KSR1: variants seen among roughly 807,000 people sequenced by gnomAD.
The protein encoded by KSR1 is kinase suppressor of ras.
A neutral mutation model predicts 92.9 loss-of-function variants in KSR1; 35 were observed. That is an observed-to-expected ratio of 0.38 (90% CI 0.29 to 0.50). The LOEUF (loss-of-function observed/expected upper bound fraction) is 0.50, where lower values mean the gene tolerates loss of function less well. Among genes scored for constraint, KSR1 ranks in the 20% least tolerant of loss-of-function variants. The probability of loss-of-function intolerance (pLI) is 0.94; values close to 1 mark genes in which losing one functional copy is unlikely to be tolerated. For missense variants in KSR1, 972 were observed against 1,158.5 expected (o/e 0.84, Z 2.34); for synonymous variants, 467 against 472.6 (o/e 0.99, Z 0.15).
intron 1 of KSR1, among the ~76,000 whole-genome samples, chr17:27,482,490 G>T (rs2068540632): frequency 6.6e-6 from 1 of 152,188 alleles, no homozygotes; most frequent in Non-Finnish European, 1.5e-5. Flanking sequence ...GGAGATTTGT[G>T]TTAAGGACCA....
intron 1 of KSR1, among the ~76,000 whole-genome samples, chr17:27,473,028 C>G (rs1465459128): frequency 6.6e-6 from 1 of 152,202 alleles, no homozygotes; most frequent in African/African-American, 2.4e-5. Flanking sequence ...TTCAGCCTCC[C>G]AGATAGCTGG....
chr17:27,497,943 C>G (rs2069046341), intron 1 of KSR1, among the ~76,000 whole-genome samples: 1 of 152,116 alleles, frequency 6.6e-6, no homozygotes, highest in African/African-American at 2.4e-5. Context: ...GATGGGCAGG[C>G]AGGTTTGTAC....
intron 2 of KSR1, among the ~76,000 whole-genome samples, chr17:27,555,343 T>C (rs761848557): frequency 2.6e-5 from 4 of 152,210 alleles, no homozygotes; most frequent in Admixed American, 6.5e-5. Flanking sequence ...ATTCATTCAG[T>C]CATTTATATC....
chr17:27,484,759 A>C (rs1354637492), intron 1 of KSR1, among the ~76,000 whole-genome samples: 2 of 152,228 alleles, frequency 1.3e-5, no homozygotes, highest in Non-Finnish European at 2.9e-5. Context: ...TCTGCCTCTC[A>C]GAGGAGCCGA....
chr17:27,568,644 C>T (rs1248381089), intron 2 of KSR1, among the ~76,000 whole-genome samples: 1 of 152,204 alleles, frequency 6.6e-6, no homozygotes, highest in East Asian at 1.9e-4. Flanking sequence ...TGCCTTGACC[C>T]CCAGGAGAGC....
intron 1 of KSR1, among the ~76,000 whole-genome samples, chr17:27,548,402 T>C (rs530467694): frequency 1.2e-4 from 19 of 152,334 alleles, no homozygotes; most frequent in African/African-American, 4.6e-4. Context: ...AATTAAAAAT[T>C]ATTAATTCAT....
intron 1 of KSR1, among the ~76,000 whole-genome samples, chr17:27,521,905 C>T (rs2070051235): frequency 6.6e-6 from 1 of 152,228 alleles, no homozygotes; most frequent in Non-Finnish European, 1.5e-5. Flanking sequence ...ACCCATGCTG[C>T]TAGGGAGACC....
Position 27,526,925 on chromosome 17 carries a change from G to T in KSR1, c.232-23643G>T, listed in dbSNP as rs150445792. 435 of 614,998 alleles carry T rather than the reference G, an allele frequency of 7.1e-4. 4 individuals carry two copies. In the East Asian group the frequency reaches 0.012, roughly 17 times the overall value. The allele number at this position is 614,998 out of a possible 1,614,324, so 38.1% of individuals were successfully genotyped here. A position where few individuals can be genotyped will look rare whatever the true frequency, so the allele number is the denominator to read the frequency against. On this transcript the variant is annotated intron_variant, in intron 1 of 20. Coordinates refer to ENST00000644974, the MANE Select transcript of KSR1 (RefSeq NM_001394583.1). ...TCCCTAGGACTTGGTTACTCAGGAGGGGGCTGACGCTCCCTTTCACCTTCT... is the reference window on the plus strand; with the variant it reads ...TCCCTAGGACTTGGTTACTCAGGAGTGGGCTGACGCTCCCTTTCACCTTCT...
intron 1 of KSR1, among the ~76,000 whole-genome samples, chr17:27,463,507 C>T (rs541928638): frequency 1.3e-5 from 2 of 150,926 alleles, no homozygotes; most frequent in South Asian, 4.2e-4. Flanking sequence ...GGTCCTCTGG[C>T]TGAGATTCTG....
At chr17:27,592,798 T>C (rs80326599) in intron 9 of KSR1, among the ~76,000 whole-genome samples, 172 bp downstream of exon 9, 10,810 of 152,244 alleles carry the variant, frequency 0.071, 447 homozygotes, top group Middle Eastern at 0.14. Flanking sequence ...AGGCTTTACA[T>C]TTAAGTTGTG....
intron 11 of KSR1, among the ~76,000 whole-genome samples, chr17:27,602,657 T>C (rs1473756826): frequency 6.6e-6 from 1 of 152,208 alleles, no homozygotes; most frequent in Non-Finnish European, 1.5e-5. Flanking sequence ...TTTAGGTGTG[T>C]GTTTGCCTCC....
In KSR1 at chr17:27,624,407, C is replaced by T. The variant is rs2074296897; in HGVS notation, c.*1015C>T. Reference sequence around the variant, plus strand: ...TTTCAGTCCTGCTGAAACCCCTTAGCCTATTTCCGACTCCTCTGTCCATGC... The same window carrying T: ...TTTCAGTCCTGCTGAAACCCCTTAGTCTATTTCCGACTCCTCTGTCCATGC... On this transcript the variant is annotated 3_prime_UTR_variant, in exon 21 of 21. Coordinates refer to ENST00000644974, the MANE Select transcript of KSR1 (RefSeq NM_001394583.1). 1 of 152,320 alleles carries T rather than the reference C, an allele frequency of 6.6e-6. No individual in the cohort carries two copies. Among genetic ancestry groups the T allele is most frequent in the South Asian group, 2.1e-4 (1 of 4,826 alleles). 9.4% of individuals were successfully genotyped at this position (152,320 alleles called of 1,614,324 possible). A position where few individuals can be genotyped will look rare whatever the true frequency, so the allele number is the denominator to read the frequency against.
At chr17:27,609,134 C>T (rs1196312363) in intron 15 of KSR1, 62 bp from the exon 16 acceptor site, 20 of 1,545,772 alleles carry the variant, frequency 1.3e-5, no homozygotes, top group African/African-American at 2.7e-5. Context: ...GTAAATCATC[C>T]AGCCCAGGGT....
chr17:27,463,469 A>G lies in KSR1; in HGVS notation c.231+6595A>G, dbSNP rs1026418053. On this transcript the variant is annotated intron_variant, in intron 1 of 20. Coordinates refer to ENST00000644974, the MANE Select transcript of KSR1 (RefSeq NM_001394583.1). ...TGCACTCCAGCCTGGATGACAGAGA[A>G]AAAAAAAAAAAAAAAGAGGCTGGAC... is the stretch of plus-strand genomic sequence containing the variant. 7.6e-5 allele frequency among the ~76,000 whole-genome samples: 11 copies of G among 145,118 alleles called. No homozygotes were observed. In the South Asian group the frequency reaches 1.5e-3, roughly 20 times the overall value.
At chr17:27,460,117 C>A (rs1445240183) in intron 1 of KSR1, among the ~76,000 whole-genome samples, 9 of 152,142 alleles carry the variant, frequency 5.9e-5, no homozygotes. Context: ...TCTGTCTCCG[C>A]TAGACCCTCC....
chr17:27,611,449 G>T (rs2073913881), intron 17 of KSR1, 45 bp from the exon 18 acceptor site: 21 of 1,612,940 alleles, frequency 1.3e-5, no homozygotes, highest in Non-Finnish European at 1.8e-5. Flanking sequence ...GCTTGAGCTG[G>T]GCACAGCGGC....
intron 1 of KSR1, among the ~76,000 whole-genome samples, chr17:27,482,926 G>C (rs1056886756): frequency 2.0e-5 from 3 of 151,132 alleles, no homozygotes; most frequent in African/African-American, 7.3e-5. Context: ...GTCTCGTGTT[G>C]GGGGGAAAAT....
chr17:27,582,237 A>G (rs1315432278), intron 3 of KSR1, among the ~76,000 whole-genome samples: 4 of 152,178 alleles, frequency 2.6e-5, no homozygotes, highest in African/African-American at 4.8e-5. Context: ...GCTTAGAACA[A>G]GAAGTGTTTT....
intron 1 of KSR1, among the ~76,000 whole-genome samples, chr17:27,546,119 G>A (rs953966352): frequency 1.3e-5 from 2 of 152,204 alleles, no homozygotes; most frequent in African/African-American, 4.8e-5. Context: ...GGTGGTTTCA[G>A]AGCCGCGTGG....
Sources: gnomAD v4.1 joint callset for allele counts (sites outside exome capture counted in the v4.1 genomes callset) on GRCh38, gnomAD v4.1.1 for gene constraint, MANE v1.5 for transcripts, NCBI Gene and HGNC (gene_info 2026-07-23, HGNC 2026-07-21) for gene names.